The following UBE2E1 variants were observed in gnomAD, a reference collection of about 807,000 sequenced individuals.
UBE2E1 encodes the protein ubiquitin conjugating enzyme E2 E1.
A neutral mutation model predicts 21.4 loss-of-function variants in UBE2E1; 6 were observed. The observed-to-expected ratio is 0.28, with a 90% confidence interval of 0.15 to 0.55. The LOEUF is 0.55. UBE2E1 is among the 20% of genes least tolerant of loss of function. UBE2E1 has a pLI of 0.93. For synonymous variants in UBE2E1, 87 were observed against 82.7 expected (o/e 1.05, Z -0.28); for missense variants, 142 against 236.5 (o/e 0.60, Z 2.62).
At chr3:23,854,022 C>T (rs1313851436) in intron 3 of UBE2E1, among the ~76,000 whole-genome samples, 4 of 152,062 alleles carry the variant, frequency 2.6e-5, no homozygotes, top group Non-Finnish European at 5.9e-5. Flanking sequence ...CTTTGGGAGA[C>T]CGAGGTGCAT....
rs569434262 is a variant in UBE2E1 at position 23,853,569 on chromosome 3, T to G, written c.204-33998T>G. Among the ~76,000 whole-genome samples the G allele has an allele frequency of 2.0e-5, 3 of 152,286 alleles. No individual in the cohort carries two copies. Among genetic ancestry groups the G allele is most frequent in the East Asian group, 3.9e-4 (2 of 5,180 alleles). On this transcript the variant is annotated intron_variant, in intron 3 of 5. Transcript: ENST00000306627. This position sits in a 1 kb window ranked among gnomAD's most constrained non-coding sequence, Gnocchi z 4.1. ...TTTTTTTAATATAAGTTTTATGGTT[T>G]TAGCTGTTAAATTTAGGTCTCTTCA...
chr3:23,843,713 C>A (rs999350333), intron 3 of UBE2E1, among the ~76,000 whole-genome samples: 1 of 123,834 alleles, frequency 8.1e-6, no homozygotes, highest in African/African-American at 3.2e-5. Flanking sequence ...TCATCTTTAA[C>A]AACTGTGTGG....
At chr3:23,807,057 T>A (rs1699293676) in intron 1 of UBE2E1, 180 bp from the exon 2 acceptor site, 1 of 484,944 alleles carries the variant, frequency 2.1e-6, no homozygotes, top group Non-Finnish European at 3.6e-6. Context: ...GGGCCAAAAA[T>A]AAACAAGCCG....
rs937343049 is a variant in UBE2E1, at chr3:23,836,590, T to C, written c.203+25080T>C. ...TGACATTGGCTTTTCTTGGAAGTTT[T>C]AGAGCTGAAAGGGAACTTAGATCTA... On this transcript the variant is annotated intron_variant, in intron 3 of 5. Transcript: ENST00000306627. This position sits in a 1 kb window ranked among gnomAD's most constrained non-coding sequence, Gnocchi z 4.1. 2.0e-5 allele frequency among the ~76,000 whole-genome samples: 3 copies of C among 152,214 alleles called. No individual in the cohort carries two copies. The highest frequency in any genetic ancestry group is 6.5e-5 in the Admixed American group (1 of 15,284).
chr3:23,883,637 G>A (rs532193161), intron 3 of UBE2E1, among the ~76,000 whole-genome samples: 43 of 152,246 alleles, frequency 2.8e-4, no homozygotes, highest in African/African-American at 1.0e-3. Flanking sequence ...GATATTCAGG[G>A]CTGAGCATGG....
intron 3 of UBE2E1, among the ~76,000 whole-genome samples, chr3:23,831,048 C>T (rs1691907171): frequency 6.6e-6 from 1 of 152,230 alleles, no homozygotes; most frequent in Non-Finnish European, 1.5e-5. Flanking sequence ...TACTCAACCA[C>T]TGTACTTTGG....
intron 3 of UBE2E1, among the ~76,000 whole-genome samples, chr3:23,815,744 A>G (rs1015394698): frequency 2.0e-5 from 3 of 152,248 alleles, no homozygotes; most frequent in Non-Finnish European, 2.9e-5. Flanking sequence ...GTTCAGCAGA[A>G]GTCATCCTTT....
chr3:23,815,601 T>C (rs1477232972), intron 3 of UBE2E1, among the ~76,000 whole-genome samples: 1 of 152,196 alleles, frequency 6.6e-6, no homozygotes, highest in African/African-American at 2.4e-5. Context: ...GGTAATGAGA[T>C]GTCAGTTCAG....
At position 23,853,462 on chromosome 3, in the gene UBE2E1, A is replaced by G. The variant is rs1700369010; in HGVS notation, c.204-34105A>G. The stretch of plus-strand genomic sequence containing the variant: ...TAATTTTGATGAAGCCCAGTTTGTC[A>G]GTTTTTTCTTGTGTGATTCATGCTT... On this transcript the variant is annotated intron_variant, in intron 3 of 5. Coordinates refer to ENST00000306627, the MANE Select transcript of UBE2E1 (RefSeq NM_003341.5). The surrounding 1 kb of genome is among the most constrained non-coding windows in gnomAD (Gnocchi z 4.1). 1.3e-5 allele frequency among the ~76,000 whole-genome samples: 2 copies of G among 151,904 alleles called. No individual in the cohort carries two copies. Among genetic ancestry groups the G allele is most frequent in the African/African-American group, 2.4e-5 (1 of 41,354 alleles).
In UBE2E1 at chr3:23,887,897, CTT is replaced by C; in HGVS notation, c.336+200_336+201del. On this transcript the variant is annotated intron_variant, in intron 4 of 5. Transcript: ENST00000306627. The surrounding 1 kb of genome is among the most constrained non-coding windows in gnomAD (Gnocchi z 4.4). ...GCAGAGACCATTCTAGGATTAAGTG[CTT>C]TGTTTTGATGGTGCTTAAAATTGTG... The C allele has an allele frequency of 1.5e-6, 1 of 668,320 alleles. No individual in the cohort carries two copies. Among genetic ancestry groups the C allele is most frequent in the Non-Finnish European group, 2.4e-6 (1 of 416,454 alleles). 41.4% of individuals were successfully genotyped at this position (668,320 alleles called of 1,614,324 possible).
At chr3:23,809,287 G>A (rs1411026607) in intron 2 of UBE2E1, among the ~76,000 whole-genome samples, 1 of 152,190 alleles carries the variant, frequency 6.6e-6, no homozygotes, top group African/African-American at 2.4e-5. Context: ...AGTGTATCCA[G>A]GAAAGAGAAT....
intron 3 of UBE2E1, among the ~76,000 whole-genome samples, chr3:23,829,302 A>T (rs1233263055): frequency 1.4e-5 from 2 of 146,426 alleles, no homozygotes; most frequent in African/African-American, 2.5e-5. Context: ...CTGGGACAAC[A>T]GGTGCACTCC....
chr3:23,879,246 A>G, intron 3 of UBE2E1: 1 of 897,622 alleles, frequency 1.1e-6, no homozygotes, highest in Non-Finnish European at 1.7e-6. Flanking sequence ...TGACTTCCAC[A>G]GTGGCCTTAC....
At position 23,823,004 on chromosome 3, in the gene UBE2E1, G is replaced by A. The variant is rs1354299166; in HGVS notation, c.203+11494G>A. Among the ~76,000 whole-genome samples, 15 of 152,084 alleles carry A rather than the reference G, an allele frequency of 9.9e-5. No individual in the cohort carries two copies. The highest frequency in any genetic ancestry group is 3.6e-4 in the African/African-American group (15 of 41,490). ...TGGGGTTACAGGCATGTGCCACCAC[G>A]CCCAGCTAATTTTTGTATTTTTAGT... On this transcript the variant is annotated intron_variant, in intron 3 of 5. Transcript: ENST00000306627. The surrounding 1 kb of genome is among the most constrained non-coding windows in gnomAD (Gnocchi z 4.2).
Position 23,842,032 on chromosome 3 carries a change from T to G in UBE2E1, c.203+30522T>G, listed in dbSNP as rs1700096004. Among the ~76,000 whole-genome samples the G allele has an allele frequency of 1.3e-5, 2 of 152,212 alleles. No homozygotes were observed. Among genetic ancestry groups the G allele is most frequent in the Admixed American group, 6.5e-5 (1 of 15,278 alleles). On this transcript the variant is annotated intron_variant, in intron 3 of 5. Transcript: ENST00000306627. The surrounding 1 kb of genome is among the most constrained non-coding windows in gnomAD (Gnocchi z 4.6). ...TTAGTACTTTGATTATCCTAGTGAT[T>G]GTTACACTGAATCAGAAAATGCATT... is the stretch of plus-strand genomic sequence containing the variant.
In UBE2E1 at chr3:23,889,201, A is replaced by G; in HGVS notation, c.426A>G (p.Ala142=). ...LDILKDNWSP[A]LTISKVLLSI... is the part of the protein sequence containing the mutation. ...TATTGAAAGATAATTGGAGTCCAGC[A>G]CTAACCATTTCTAAAGTCCTCCTTT... Residue 142 remains alanine, a synonymous_variant, in exon 5 of 6, where the codon GCA becomes GCG. Transcript: ENST00000306627. 1 of 1,613,732 alleles carries G rather than the reference A, an allele frequency of 6.2e-7. No individual in the cohort carries two copies. The highest frequency in any genetic ancestry group is 8.5e-7 in the Non-Finnish European group (1 of 1,179,948).
chr3:23,884,620 C>G (rs1279919190), intron 3 of UBE2E1, among the ~76,000 whole-genome samples: 1 of 152,102 alleles, frequency 6.6e-6, no homozygotes, highest in Non-Finnish European at 1.5e-5. Flanking sequence ...AAAGGACCAG[C>G]AGAATTGGGC....
At chr3:23,859,874 A>G (rs895583762) in intron 3 of UBE2E1, among the ~76,000 whole-genome samples, 1 of 152,142 alleles carries the variant, frequency 6.6e-6, no homozygotes, top group Non-Finnish European at 1.5e-5. Context: ...ATGAATATGT[A>G]TTTTTATTGG....
At chr3:23,832,906 T>C (rs1039956333) in intron 3 of UBE2E1, among the ~76,000 whole-genome samples, 8 of 151,894 alleles carry the variant, frequency 5.3e-5, no homozygotes, top group Non-Finnish European at 1.2e-4. Flanking sequence ...TGTGGTGGTG[T>C]GCCTGTCATC....
Sources: gnomAD v4.1 joint callset for allele counts (sites outside exome capture counted in the v4.1 genomes callset) on GRCh38, gnomAD v4.1.1 for gene constraint, Gnocchi (gnomAD v3.1) non-coding constraint, MANE v1.5 for transcripts, NCBI Gene and HGNC (gene_info 2026-07-23, HGNC 2026-07-21) for gene names.